The following ACCSL variants were observed in gnomAD, a reference collection of about 807,000 sequenced individuals.
ACCSL encodes probable inactive 1-aminocyclopropane-1-carboxylate synthase-like protein 2.
A neutral mutation model predicts 61.7 loss-of-function variants in ACCSL; 55 were observed. The ratio of observed to expected loss-of-function variants is 0.89; its 90% CI spans 0.72 to 1.12. ACCSL has a LOEUF of 1.12. Ranked by LOEUF, ACCSL falls within the 50% of genes most tolerant of loss-of-function variation. The pLI is 0.00. For synonymous variants in ACCSL, 258 were observed against 264.3 expected, an observed-to-expected ratio of 0.98 and a Z score of 0.23; for missense variants, 632 against 698.0, an observed-to-expected ratio of 0.91 and a Z score of 1.07.
the ACCSL span, among the ~76,000 whole-genome samples, chr11:43,982,516 C>T: frequency 6.6e-6 from 1 of 152,230 alleles, no homozygotes; most frequent in East Asian, 1.9e-4. Flanking sequence ...TGACCACTCC[C>T]TGTTTCTAAC....
the ACCSL span, among the ~76,000 whole-genome samples, chr11:44,015,188 G>A: frequency 1.3e-5 from 2 of 152,154 alleles, no homozygotes; most frequent in African/African-American, 2.4e-5. Context: ...AAGTCCTTTG[G>A]CAGGCATGAT....
At chr11:44,021,327 C>T in the ACCSL span, among the ~76,000 whole-genome samples, 83,043 of 151,934 alleles carry the variant, frequency 0.55, 23,007 homozygotes, top group Admixed American at 0.6. Context: ...AGGAGTTAGG[C>T]GGTATTGCAT....
At chr11:43,961,434 C>G in the ACCSL span, among the ~76,000 whole-genome samples, 1 of 152,118 alleles carries the variant, frequency 6.6e-6, no homozygotes, top group East Asian at 1.9e-4. Context: ...CCATGAGACT[C>G]AGTTCTCTCC....
the ACCSL span, among the ~76,000 whole-genome samples, chr11:44,031,246 C>A: frequency 6.6e-6 from 1 of 152,188 alleles, no homozygotes; most frequent in African/African-American, 2.4e-5. Flanking sequence ...CTGCCCCCTG[C>A]CATCCCTTCC....
the ACCSL span, among the ~76,000 whole-genome samples, chr11:44,036,017 T>C: frequency 6.6e-6 from 1 of 151,946 alleles, no homozygotes; most frequent in South Asian, 2.1e-4. Flanking sequence ...CAGGGAACTT[T>C]TCTGGAGAAG....
the ACCSL span, among the ~76,000 whole-genome samples, chr11:44,023,878 T>C: frequency 1.3e-5 from 2 of 152,222 alleles, no homozygotes; most frequent in African/African-American, 4.8e-5. Flanking sequence ...TCATTTCTAC[T>C]TTCCCCTGTA....
chr11:44,054,460 G>T (rs201233602), intron 8 of ACCSL, among the ~76,000 whole-genome samples: 2,370 of 121,958 alleles, frequency 0.019, 36 homozygotes, highest in Non-Finnish European at 0.029. Flanking sequence ...TTTTTTTTTT[G>T]TTTTTTGTTT....
chr11:43,933,472 A>G, the ACCSL span: 1 of 195,204 alleles, frequency 5.1e-6, no homozygotes, highest in African/African-American at 2.3e-5. Flanking sequence ...CTTCATCTCA[A>G]AAGACAGCAA....
At chr11:43,921,553 T>TA in the ACCSL span, among the ~76,000 whole-genome samples, 1 of 152,252 alleles carries the variant, frequency 6.6e-6, no homozygotes, top group Admixed American at 6.5e-5. Flanking sequence ...GGCCAGGTGA[T>TA]ACAGCCAGCT....
chr11:43,936,641 C>T, the ACCSL span, among the ~76,000 whole-genome samples: 6 of 152,318 alleles, frequency 3.9e-5, no homozygotes, highest in Non-Finnish European at 7.3e-5. Context: ...AGAATGAGTC[C>T]ATGGCGGCAC....
At chr11:43,942,097 G>A in the ACCSL span, among the ~76,000 whole-genome samples, 4 of 150,470 alleles carry the variant, frequency 2.7e-5, no homozygotes, top group African/African-American at 9.8e-5. Flanking sequence ...CCTGCGGAGG[G>A]GGGTGGCAAG....
chr11:44,046,771 A>G (rs1436244576), upstream of ACCSL, among the ~76,000 whole-genome samples: 2 of 152,190 alleles, frequency 1.3e-5, no homozygotes, highest in African/African-American at 4.8e-5. Context: ...GGGTCTTGAT[A>G]TCTTGGGATA....
At chr11:43,969,491 C>T in the ACCSL span, among the ~76,000 whole-genome samples, 16 of 152,268 alleles carry the variant, frequency 1.1e-4, no homozygotes, top group African/African-American at 3.9e-4. Context: ...ATGCAAATCA[C>T]CCAGAACAGT....
At chr11:43,989,895 C>T in the ACCSL span, among the ~76,000 whole-genome samples, 50 of 152,376 alleles carry the variant, frequency 3.3e-4, no homozygotes, top group African/African-American at 1.2e-3. Context: ...AGAACGCTGG[C>T]GGCCCCGCCA....
the ACCSL span, among the ~76,000 whole-genome samples, chr11:43,931,453 C>T: frequency 6.6e-6 from 1 of 152,208 alleles, no homozygotes; most frequent in Non-Finnish European, 1.5e-5. Context: ...TCCCTCTGCC[C>T]ACTGAACCCC....
At chr11:44,058,176 T>G (rs1590433552) in intron 11 of ACCSL, 141 bp from the exon 12 acceptor site, 3 of 1,081,528 alleles carry the variant, frequency 2.8e-6, no homozygotes, top group East Asian at 5.2e-5. Context: ...CTGGTTTTTT[T>G]GTTTTTTTTA....
chr11:44,023,205 C>T, the ACCSL span, among the ~76,000 whole-genome samples: 1 of 151,978 alleles, frequency 6.6e-6, no homozygotes, highest in African/African-American at 2.4e-5. Context: ...GTGCACACCA[C>T]CATGCTCAGC....
chr11:43,955,464 A>T, the ACCSL span, among the ~76,000 whole-genome samples: 1 of 152,162 alleles, frequency 6.6e-6, no homozygotes, highest in Non-Finnish European at 1.5e-5. Context: ...CCTGATAAAG[A>T]GTTTAATTGA....
chr11:43,964,832 G>A, the ACCSL span, among the ~76,000 whole-genome samples: 3 of 124,690 alleles, frequency 2.4e-5, no homozygotes, highest in African/African-American at 1.0e-4. Context: ...AGACAACAAA[G>A]GGTAAAAAAA....
Sources: allele counts gnomAD v4.1 joint callset (sites outside exome capture counted in the v4.1 genomes callset), GRCh38; gene constraint gnomAD v4.1.1; transcripts MANE v1.5; gene names NCBI Gene and HGNC (gene_info 2026-07-23, HGNC 2026-07-21).